The following FMN1 variants were observed in gnomAD, a reference collection of about 807,000 sequenced individuals.
The protein encoded by FMN1 is formin-1.
FMN1 carries 110 observed loss-of-function variants against 132.4 expected under a neutral mutation model. That is an observed-to-expected ratio of 0.83 (90% CI 0.71 to 0.97). The LOEUF is 0.97. FMN1 is among the 50% of genes least tolerant of loss of function. The pLI is 0.00. For synonymous variants in FMN1, 722 were observed against 651.7 expected, an observed-to-expected ratio of 1.11 and a Z score of -1.64; for missense variants, 1,792 against 1,705.3, an observed-to-expected ratio of 1.05 and a Z score of -0.90.
intron 6 of FMN1, among the ~76,000 whole-genome samples, chr15:33,033,273 G>A (rs367823918): frequency 2.2e-4 from 33 of 152,148 alleles, no homozygotes; most frequent in East Asian, 1.2e-3. Context: ...CTTGTGATCC[G>A]CCCACCTCAG....
At chr15:33,082,515 T>A (rs532030051) in intron 5 of FMN1, among the ~76,000 whole-genome samples, 111 of 152,304 alleles carry the variant, frequency 7.3e-4, no homozygotes, top group African/African-American at 2.5e-3. Context: ...CATTACAAAC[T>A]ATTCTCCATG....
chr15:33,103,832 A>AG (rs2039383572), intron 4 of FMN1, among the ~76,000 whole-genome samples: 1 of 152,122 alleles, frequency 6.6e-6, no homozygotes, highest in Admixed American at 6.6e-5. Flanking sequence ...TCTTTAATTT[A>AG]GGAACCTGTT....
chr15:33,085,586 T>C (rs1230036759), intron 5 of FMN1, among the ~76,000 whole-genome samples: 1 of 149,434 alleles, frequency 6.7e-6, no homozygotes, highest in Non-Finnish European at 1.5e-5. Context: ...TTATATATCA[T>C]ATATGTAATA....
intron 9 of FMN1, among the ~76,000 whole-genome samples, chr15:32,943,293 T>G (rs995902689): frequency 6.6e-5 from 10 of 152,192 alleles, no homozygotes; most frequent in Non-Finnish European, 1.0e-4. Flanking sequence ...AGAATTCACA[T>G]AAATTAGACA....
At chr15:32,835,993 G>A (rs921881266) in intron 17 of FMN1, among the ~76,000 whole-genome samples, 1 of 151,930 alleles carries the variant, frequency 6.6e-6, no homozygotes, top group Non-Finnish European at 1.5e-5. Flanking sequence ...CTCTGTACCT[G>A]GGACTACAGA....
chr15:32,790,223 G>T (rs889323610), intron 19 of FMN1, among the ~76,000 whole-genome samples: 2 of 152,184 alleles, frequency 1.3e-5, no homozygotes, highest in African/African-American at 2.4e-5. Context: ...ACCCAGGTCC[G>T]CCTCTTTATG....
intron 19 of FMN1, among the ~76,000 whole-genome samples, chr15:32,790,458 CA>C (rs1297955211): frequency 1.3e-5 from 2 of 152,298 alleles, no homozygotes; most frequent in African/African-American, 4.8e-5. Context: ...AAACTAAACA[CA>C]AAATGTGTTC....
At chr15:32,928,939 T>C (rs1454100855) in intron 9 of FMN1, among the ~76,000 whole-genome samples, 2 of 152,200 alleles carry the variant, frequency 1.3e-5, no homozygotes, top group African/African-American at 4.8e-5. Flanking sequence ...AAGAAAGATA[T>C]TGATTCTGTC....
chr15:32,786,497 A>G (rs1318707336), intron 19 of FMN1, among the ~76,000 whole-genome samples: 3 of 152,174 alleles, frequency 2.0e-5, no homozygotes, highest in African/African-American at 7.2e-5. Context: ...AAAGGGGTAT[A>G]TAGAGCTTCA....
intron 7 of FMN1, among the ~76,000 whole-genome samples, chr15:32,977,698 A>T (rs2140736852): frequency 6.6e-6 from 1 of 152,338 alleles, no homozygotes; most frequent in African/African-American, 2.4e-5. Flanking sequence ...CTTTGAACAC[A>T]TCTCTATTCA....
intron 7 of FMN1, among the ~76,000 whole-genome samples, chr15:32,976,601 G>A (rs1418365300): frequency 6.6e-6 from 1 of 152,162 alleles, no homozygotes; most frequent in Non-Finnish European, 1.5e-5. Context: ...TATCAGAAAT[G>A]TAAGCACATC....
At chr15:32,942,750 C>A (rs933561400) in intron 9 of FMN1, among the ~76,000 whole-genome samples, 2 of 152,152 alleles carry the variant, frequency 1.3e-5, no homozygotes, top group Non-Finnish European at 2.9e-5. Flanking sequence ...ATCTCCAGCA[C>A]AGTCAGTTTT....
intron 6 of FMN1, among the ~76,000 whole-genome samples, chr15:33,037,801 C>T (rs2036255144): frequency 6.6e-6 from 1 of 152,190 alleles, no homozygotes; most frequent in Non-Finnish European, 1.5e-5. Flanking sequence ...AACTCTTTTG[C>T]TTAAACACTT....
intron 17 of FMN1, among the ~76,000 whole-genome samples, chr15:32,847,885 T>G (rs2058897050): frequency 6.6e-6 from 1 of 151,948 alleles, no homozygotes; most frequent in South Asian, 2.1e-4. Flanking sequence ...AAATTAGAGT[T>G]AAGGCCTAAA....
intron 8 of FMN1, among the ~76,000 whole-genome samples, chr15:32,966,741 G>C (rs191422374): frequency 2.6e-5 from 4 of 152,312 alleles, no homozygotes; most frequent in Admixed American, 2.0e-4. Flanking sequence ...AGAAGAGCAA[G>C]ACCAACATTT....
intron 5 of FMN1, among the ~76,000 whole-genome samples, chr15:33,074,893 C>T (rs748279399): frequency 1.3e-5 from 2 of 151,730 alleles, no homozygotes; most frequent in South Asian, 2.1e-4. Flanking sequence ...TGGTGGTGTG[C>T]GCCTGTAGTC....
At chr15:32,937,433 A>C (rs1471533256) in intron 9 of FMN1, among the ~76,000 whole-genome samples, 2 of 152,222 alleles carry the variant, frequency 1.3e-5, no homozygotes, top group Non-Finnish European at 2.9e-5. Flanking sequence ...CCTGGGGTTT[A>C]GGAGCCTCTT....
chr15:32,776,575 T>A (rs374624166), intron 20 of FMN1, among the ~76,000 whole-genome samples: 2 of 151,922 alleles, frequency 1.3e-5, no homozygotes, highest in African/African-American at 4.8e-5. Context: ...GCGGGTAGGG[T>A]GTGGAAGGAT....
At chr15:32,790,235 C>T (rs1293026653) in intron 19 of FMN1, among the ~76,000 whole-genome samples, 2 of 152,182 alleles carry the variant, frequency 1.3e-5, no homozygotes, top group Admixed American at 6.5e-5. Flanking sequence ...CTCTTTATGT[C>T]TATGTAGCCA....
Sources: gnomAD v4.1 joint callset for allele counts (sites outside exome capture counted in the v4.1 genomes callset) on GRCh38, gnomAD v4.1.1 for gene constraint, MANE v1.5 for transcripts, NCBI Gene and HGNC (gene_info 2026-07-23, HGNC 2026-07-21) for gene names.